The following CCDC192 variants were observed in gnomAD, a reference collection of about 807,000 sequenced individuals.
The protein encoded by CCDC192 is coiled-coil domain-containing protein 192.
intron 3 of CCDC192, chr5:127,784,765 T>C: frequency 6.0e-6 from 3 of 502,058 alleles, no homozygotes; most frequent in Non-Finnish European, 1.2e-5. Context: ...ACTGCTGGTG[T>C]TTCAAAACCT....
chr5:127,770,481 GC>G (rs1481680053), intron 3 of CCDC192, among the ~76,000 whole-genome samples: 1 of 152,214 alleles, frequency 6.6e-6, no homozygotes, highest in South Asian at 2.1e-4. Flanking sequence ...TCACTGCACT[GC>G]CAGGACAGTG....
chr5:127,710,151 A>G (rs1020647667), intron 2 of CCDC192, among the ~76,000 whole-genome samples: 2 of 152,126 alleles, frequency 1.3e-5, no homozygotes, highest in East Asian at 1.9e-4. Flanking sequence ...AAATATTTCT[A>G]AAGAAATACA....
chr5:127,930,530 A>G (rs1753999278), intron 6 of CCDC192, among the ~76,000 whole-genome samples: 1 of 152,138 alleles, frequency 6.6e-6, no homozygotes, highest in Non-Finnish European at 1.5e-5. Flanking sequence ...TTCAGGTCCT[A>G]CTCATAGGAG....
At chr5:127,736,588 T>C (rs910926544) in intron 2 of CCDC192, among the ~76,000 whole-genome samples, 11 of 151,984 alleles carry the variant, frequency 7.2e-5, no homozygotes, top group Admixed American at 4.6e-4. Context: ...AAGCTATTGA[T>C]CATTGCCACA....
At chr5:127,838,451 G>C (rs565560709) in intron 5 of CCDC192, 1 of 152,230 alleles carries the variant, frequency 6.6e-6, no homozygotes, top group South Asian at 2.1e-4. Context: ...AATTATATTA[G>C]TAAACATGTA....
At position 127,737,998 on chromosome 5, in the gene CCDC192, G is replaced by A. The variant is rs935971109; in HGVS notation, c.115-16270G>A. Among the ~76,000 whole-genome samples, 16 of 150,788 alleles carry A rather than the reference G, an allele frequency of 1.1e-4. 1 individual carries two copies. The highest frequency in any genetic ancestry group is 5.9e-4 in the East Asian group (3 of 5,104). On this transcript the variant is annotated intron_variant, in intron 2 of 6. Coordinates refer to ENST00000514853, the MANE Select transcript of CCDC192 (RefSeq NM_001317938.2). Reference sequence around the variant, plus strand: ...ATGATGTTAGCTGGTTATTTTGCTCGTTAGTTGATGCAGTTTCTTCCTAGT... The same window carrying A: ...ATGATGTTAGCTGGTTATTTTGCTCATTAGTTGATGCAGTTTCTTCCTAGT...
chr5:127,926,008 C>T (rs1352564844), intron 6 of CCDC192, among the ~76,000 whole-genome samples: 1 of 151,992 alleles, frequency 6.6e-6, no homozygotes, highest in African/African-American at 2.4e-5. Flanking sequence ...TCCAGTTCAG[C>T]CACGTGGTGG....
chr5:127,882,835 G>C (rs1752411470), intron 6 of CCDC192, among the ~76,000 whole-genome samples: 1 of 151,428 alleles, frequency 6.6e-6, no homozygotes. Context: ...TAGGTCTGTT[G>C]AACAATGTCA....
At chr5:127,743,955 A>C (rs924414604) in intron 2 of CCDC192, among the ~76,000 whole-genome samples, 2 of 151,790 alleles carry the variant, frequency 1.3e-5, no homozygotes, top group South Asian at 4.2e-4. Context: ...TTAGCCAGGC[A>C]TGGTGGCGGG....
intron 6 of CCDC192, among the ~76,000 whole-genome samples, chr5:127,878,522 G>T (rs1321910455): frequency 1.3e-5 from 2 of 152,192 alleles, no homozygotes; most frequent in Non-Finnish European, 1.5e-5. Context: ...CAGGCATGGT[G>T]ATGCATCCCT....
chr5:127,752,848 G>A (rs1281256043), intron 2 of CCDC192, among the ~76,000 whole-genome samples: 6 of 152,150 alleles, frequency 3.9e-5, no homozygotes, highest in African/African-American at 7.2e-5. Flanking sequence ...GGAAAAGTGC[G>A]GTATTCGGGT....
At chr5:127,819,611 T>C (rs547567171) in intron 5 of CCDC192, among the ~76,000 whole-genome samples, 1 of 152,300 alleles carries the variant, frequency 6.6e-6, no homozygotes, top group African/African-American at 2.4e-5. Flanking sequence ...CAGTGAAAGA[T>C]AGCATGGGAG....
chr5:127,720,935 CT>C (rs1385996420), intron 2 of CCDC192, among the ~76,000 whole-genome samples: 1 of 152,236 alleles, frequency 6.6e-6, no homozygotes, highest in Non-Finnish European at 1.5e-5. Context: ...GCAGCAGGAC[CT>C]TGGGCCTGGC....
At chr5:127,717,295 G>A (rs1751677336) in intron 2 of CCDC192, among the ~76,000 whole-genome samples, 1 of 152,094 alleles carries the variant, frequency 6.6e-6, no homozygotes, top group Non-Finnish European at 1.5e-5. Flanking sequence ...AGATTCTTCT[G>A]CTAAAGGTAA....
chr5:127,771,784 G>T (rs1320024699), intron 3 of CCDC192, among the ~76,000 whole-genome samples: 1 of 152,220 alleles, frequency 6.6e-6, no homozygotes, highest in Non-Finnish European at 1.5e-5. Context: ...TTCAGCTAAA[G>T]ATAGGGTCCT....
intron 6 of CCDC192, among the ~76,000 whole-genome samples, chr5:127,882,016 G>A (rs919096065): frequency 6.6e-6 from 1 of 152,172 alleles, no homozygotes; most frequent in African/African-American, 2.4e-5. Flanking sequence ...GCCTACACAT[G>A]CATGTCCCCA....
chr5:127,903,596 T>G (rs1041549230), intron 6 of CCDC192, among the ~76,000 whole-genome samples: 5 of 152,102 alleles, frequency 3.3e-5, no homozygotes, highest in African/African-American at 1.2e-4. Flanking sequence ...AAGTTTTGGA[T>G]GGGTATGTCT....
chr5:127,853,309 CA>C lies in CCDC192; in HGVS notation c.412-22224del, dbSNP rs1334437897. ...ATTATTTTCCATATGTATAATAATT[CA>C]AAAATGTTAAAATTCTTCCCTTTCT... On this transcript the variant is annotated intron_variant, in intron 5 of 6. Transcript: ENST00000514853. 2.0e-5 allele frequency among the ~76,000 whole-genome samples: 3 copies of C among 152,248 alleles called. No homozygotes were observed. The East Asian group carries it at 5.8e-4, about 29-fold the overall frequency.
intron 2 of CCDC192, among the ~76,000 whole-genome samples, chr5:127,713,617 TA>T (rs1191228576): frequency 6.6e-6 from 1 of 152,172 alleles, no homozygotes; most frequent in Non-Finnish European, 1.5e-5. Context: ...ACATCTGATC[TA>T]AAAAAATCTT....
Sources: allele counts gnomAD v4.1 joint callset (sites outside exome capture counted in the v4.1 genomes callset), GRCh38; gene constraint gnomAD v4.1.1; transcripts MANE v1.5; gene names NCBI Gene and HGNC (gene_info 2026-07-23, HGNC 2026-07-21).